IREB2: variants seen among roughly 807,000 people sequenced by gnomAD.
The protein encoded by IREB2 is iron responsive element binding protein 2, also known as iron-responsive element-binding protein 2.
A neutral mutation model predicts 118.8 loss-of-function variants in IREB2; 39 were observed. That is an observed-to-expected ratio of 0.33 (90% CI 0.25 to 0.43). IREB2 has a LOEUF of 0.43. Among genes scored for constraint, IREB2 ranks in the 20% least tolerant of loss-of-function variants. The pLI is 1.00. For synonymous variants in IREB2, 372 were observed against 392.2 expected, an observed-to-expected ratio of 0.95 and a Z score of 0.61; for missense variants, 900 against 1,147.3, an observed-to-expected ratio of 0.78 and a Z score of 3.11.
chr15:78,494,380 G>T, intron 20 of IREB2, 116 bp downstream of exon 20: 1 of 1,002,478 alleles, frequency 1.0e-6, no homozygotes, highest in East Asian at 2.4e-5. Flanking sequence ...GAACCTTATA[G>T]GTATAGAGGG....
Position 78,438,264 on chromosome 15 carries a change from C to G in IREB2, c.-74C>G. 1 of 1,188,938 alleles carries G rather than the reference C, an allele frequency of 8.4e-7. No individual in the cohort carries two copies. Among genetic ancestry groups the G allele is most frequent in the South Asian group, 1.3e-5 (1 of 76,888 alleles). 73.6% of individuals were successfully genotyped at this position (1,188,938 alleles called of 1,614,324 possible). A position where few individuals can be genotyped will look rare whatever the true frequency, so the allele number is the denominator to read the frequency against. On this transcript the variant is annotated 5_prime_UTR_variant, in exon 1 of 22. Coordinates refer to ENST00000258886, the MANE Select transcript of IREB2 (RefSeq NM_004136.4). ...CTTGCCAGTCCGCCTGTCTTCCTCC[C>G]CGTCTTCCCTGCCCGGCCTCCCCCT... is the stretch of plus-strand genomic sequence containing the variant.
chr15:78,461,987 G>A (rs895831383), intron 2 of IREB2, among the ~76,000 whole-genome samples: 3 of 151,770 alleles, frequency 2.0e-5, no homozygotes, highest in Non-Finnish European at 4.4e-5. Flanking sequence ...TTATCCTTTC[G>A]TTGTTTCTTT....
chr15:78,457,476 T>G lies in IREB2; in HGVS notation c.107-5446T>G, dbSNP rs545837589. The stretch of plus-strand genomic sequence containing the variant: ...CATTTTTGAGACCTTGCTTGATTAA[T>G]TGATAGTTTTCCTGTGTGTAAATTT... On this transcript the variant is annotated intron_variant, in intron 2 of 21. Coordinates refer to ENST00000258886, the MANE Select transcript of IREB2 (RefSeq NM_004136.4). Among the ~76,000 whole-genome samples, 71 of 152,330 alleles carry G rather than the reference T, an allele frequency of 4.7e-4. No individual in the cohort carries two copies. The South Asian group carries it at 0.014, about 30-fold the overall frequency.
chr15:78,453,552 T>G (rs2051059351), intron 2 of IREB2, among the ~76,000 whole-genome samples: 1 of 152,212 alleles, frequency 6.6e-6, no homozygotes, highest in Admixed American at 6.5e-5. Context: ...TTGATGACTC[T>G]TGAGTCCTAA....
At chr15:78,473,072 A>G (rs1485691553) in intron 7 of IREB2, among the ~76,000 whole-genome samples, 170 bp from the exon 8 acceptor site, 1 of 152,226 alleles carries the variant, frequency 6.6e-6, no homozygotes, top group Non-Finnish European at 1.5e-5. Flanking sequence ...GTGCGAGTGG[A>G]ATCATTTCTT....
Position 78,463,075 on chromosome 15 carries a change from T to G in IREB2, c.260T>G (p.Leu87Arg), listed in dbSNP as rs781548617. 6.3e-7 allele frequency: 1 copy of G among 1,599,836 alleles called. No homozygotes were observed. ...CCCTTTTTCCCTGCCCGTGTTCTTC[T>G]TCAAGATTTTACGTGAGTAATGGGT... ...EVPFFPARVL[L>R]QDFTGIPAMV... The change falls in exon 3 of 22, where the codon CTT (leucine) becomes CGT (arginine). Residue 87 changes from leucine (L) to arginine (R), a missense_variant. By Grantham distance (102) the Leu-to-Arg change is moderately radical. Coordinates refer to ENST00000258886, the MANE Select transcript of IREB2 (RefSeq NM_004136.4).
In IREB2 at chr15:78,476,247, A is replaced by G; in HGVS notation, c.1083A>G (p.Ser361=). 6.2e-7 allele frequency: 1 copy of G among 1,603,650 alleles called. No homozygotes were observed. Among genetic ancestry groups the G allele is most frequent in the Non-Finnish European group, 8.5e-7 (1 of 1,172,254 alleles). Residue 361 remains serine, a synonymous_variant, in exon 9 of 22, where the codon TCA becomes TCG. Transcript: ENST00000258886. The part of the protein sequence containing the change: ...KFVEFFGSGV[S]QLSIVDRTTI... ...TTGAGTTTTTTGGAAGTGGAGTTTC[A>G]CAATTATCTATAGTTGATCGAACTA... is the stretch of plus-strand genomic sequence containing the variant.
intron 2 of IREB2, among the ~76,000 whole-genome samples, chr15:78,454,116 G>A (rs2051068535): frequency 1.3e-5 from 2 of 152,152 alleles, no homozygotes; most frequent in Non-Finnish European, 2.9e-5. Context: ...AGCCACTTTG[G>A]GAAACAATTT....
rs1466514386 is a variant in IREB2, at chr15:78,485,990, C to T, written c.1709+150C>T. 3.5e-5 allele frequency: 23 copies of T among 661,654 alleles called. No individual in the cohort carries two copies. The East Asian group carries it at 6.3e-4, about 18-fold the overall frequency. 41.0% of individuals were successfully genotyped at this position (661,654 alleles called of 1,614,324 possible). ...TGCCATTACCATACAATTTTTGATG[C>T]CTTATCACTCAGGAAACACTTATTG... is the stretch of plus-strand genomic sequence containing the variant. On this transcript the variant is annotated intron_variant, in intron 13 of 21. Coordinates refer to ENST00000258886, the MANE Select transcript of IREB2 (RefSeq NM_004136.4).
intron 2 of IREB2, among the ~76,000 whole-genome samples, chr15:78,462,165 T>A (rs1449149501): frequency 6.6e-6 from 1 of 152,220 alleles, no homozygotes; most frequent in Admixed American, 6.5e-5. Context: ...GCTTTTTCTC[T>A]TAATGATATA....
In IREB2 at chr15:78,498,046, A is replaced by G. The variant is rs772960000; in HGVS notation, c.2795A>G (p.Lys932Arg). The G allele has an allele frequency of 1.9e-6, 3 of 1,609,312 alleles. No individual in the cohort carries two copies. Among genetic ancestry groups the G allele is most frequent in the Admixed American group, 3.3e-5 (2 of 59,944 alleles). Residue 932 changes from lysine to arginine, a missense_variant, in exon 22 of 22, where the codon AAA becomes AGA. Physicochemically the swap from Lys to Arg is conservative, Grantham distance 26. Transcript: ENST00000258886. ...GCTCCTTTCAAGACAAGCACTGGAAAAGTATTCAGCGTGATTGCTTCGTTT... is the reference window on the plus strand; with the variant it reads ...GCTCCTTTCAAGACAAGCACTGGAAGAGTATTCAGCGTGATTGCTTCGTTT... ...ITLNIQTSTG[K>R]VFSVIASFED...
Position 78,466,279 on chromosome 15 carries a change from A to C in IREB2, c.419A>C (p.Gln140Pro). The C allele has an allele frequency of 6.2e-7, 1 of 1,610,944 alleles. No individual in the cohort carries two copies. Among genetic ancestry groups the C allele is most frequent in the Non-Finnish European group, 8.5e-7 (1 of 1,177,304 alleles). ...TCTTTTTGGAATGACAGTGCAATAC[A>C]GAATGCACCAAATCCTGGAGGTGGT... ...LQIDFSKCAI[Q>P]NAPNPGGGDL... Residue 140 changes from glutamine (Q) to proline (P), a missense_variant, in exon 5 of 22, where the codon CAG becomes CCG. Coordinates refer to ENST00000258886, the MANE Select transcript of IREB2 (RefSeq NM_004136.4).
chr15:78,495,293 GA>G (rs1377092919), intron 20 of IREB2, among the ~76,000 whole-genome samples: 2 of 152,114 alleles, frequency 1.3e-5, no homozygotes, highest in Admixed American at 1.3e-4. Flanking sequence ...GTATTATTAT[GA>G]GTATTAATGA....
intron 3 of IREB2, among the ~76,000 whole-genome samples, chr15:78,463,718 AC>A (rs2051235527): frequency 6.6e-6 from 1 of 152,110 alleles, no homozygotes; most frequent in Non-Finnish European, 1.5e-5. Flanking sequence ...TCACTCTGTC[AC>A]CTAGGCGAGA....
chr15:78,438,050 GC>G (rs2050779345), upstream of IREB2: 1 of 473,626 alleles, frequency 2.1e-6, no homozygotes, highest in East Asian at 3.4e-5. Flanking sequence ...CCAGCGCTCC[GC>G]CCCCGCTCGC....
chr15:78,452,732 C>A (rs535566033), intron 2 of IREB2, among the ~76,000 whole-genome samples: 85 of 152,016 alleles, frequency 5.6e-4, no homozygotes, highest in Admixed American at 2.1e-3. Flanking sequence ...CATAGTGAGA[C>A]CCCCATTTCA....
chr15:78,485,678 A>G (rs1245035244), intron 12 of IREB2, 27 bp from the exon 13 acceptor site: 4 of 1,607,278 alleles, frequency 2.5e-6, no homozygotes, highest in African/African-American at 2.7e-5. Context: ...CATTGCCATA[A>G]TAAATCATTG....
At chr15:78,469,450 T>C (rs1010945767) in intron 5 of IREB2, among the ~76,000 whole-genome samples, 1 of 151,790 alleles carries the variant, frequency 6.6e-6, no homozygotes, top group Non-Finnish European at 1.5e-5. Context: ...CCGAGTGTGG[T>C]GGCTCACACC....
chr15:78,491,787 T>C (rs2051755510), intron 18 of IREB2, among the ~76,000 whole-genome samples: 1 of 152,218 alleles, frequency 6.6e-6, no homozygotes, highest in African/African-American at 2.4e-5. Context: ...TGAGCAACCG[T>C]GCCCAGCCAA....
Sources: allele counts gnomAD v4.1 joint callset (sites outside exome capture counted in the v4.1 genomes callset), GRCh38; gene constraint gnomAD v4.1.1; transcripts MANE v1.5; gene names NCBI Gene and HGNC (gene_info 2026-07-23, HGNC 2026-07-21).